The following GRID1 variants were observed in gnomAD, a reference collection of about 807,000 sequenced individuals.
The protein encoded by GRID1 is glutamate ionotropic receptor delta type subunit 1.
GRID1 carries 28 observed loss-of-function variants against 98.0 expected under a neutral mutation model. The ratio of observed to expected loss-of-function variants is 0.29; its 90% CI spans 0.21 to 0.39. GRID1 has a LOEUF of 0.39. GRID1 is among the 10% of genes least tolerant of loss of function. GRID1 has a pLI of 1.00. For missense variants in GRID1, 1,111 were observed against 1,340.5 expected (o/e 0.83, Z 2.67); for synonymous variants, 553 against 538.5 (o/e 1.03, Z -0.37).
At chr10:85,645,865 C>T (rs1331987883) in intron 13 of GRID1, 1 of 152,320 alleles carries the variant, frequency 6.6e-6, no homozygotes, top group Non-Finnish European at 1.5e-5. Context: ...CCCAGCCTGT[C>T]ATGGGATAGA....
intron 12 of GRID1, among the ~76,000 whole-genome samples, chr10:85,658,282 A>T (rs566801996): frequency 2.4e-4 from 36 of 152,290 alleles, no homozygotes; most frequent in African/African-American, 8.2e-4. Flanking sequence ...CTTCTCCAGC[A>T]GTCACTTGAT....
chr10:85,956,169 T>A (rs1842186424), intron 4 of GRID1, among the ~76,000 whole-genome samples: 1 of 152,224 alleles, frequency 6.6e-6, no homozygotes, highest in Non-Finnish European at 1.5e-5. Flanking sequence ...TTTATTCTTA[T>A]TTTAATTTTA....
chr10:86,069,602 C>A (rs111689379), intron 4 of GRID1, among the ~76,000 whole-genome samples: 27 of 152,148 alleles, frequency 1.8e-4, no homozygotes, highest in African/African-American at 6.5e-4. Flanking sequence ...GAGCCGAGAT[C>A]GCACCACTGC....
At chr10:85,908,134 C>A (rs1841487904) in intron 5 of GRID1, among the ~76,000 whole-genome samples, 1 of 152,116 alleles carries the variant, frequency 6.6e-6, no homozygotes, top group Non-Finnish European at 1.5e-5. Flanking sequence ...AATGATGTCT[C>A]CTGTCACCAC....
intron 4 of GRID1, among the ~76,000 whole-genome samples, chr10:86,099,696 A>C (rs146649395): frequency 1.3e-3 from 203 of 152,264 alleles, no homozygotes; most frequent in Non-Finnish European, 2.1e-3. Flanking sequence ...GAAGGGGCCT[A>C]TGCTTTTCCT....
At chr10:85,656,945 C>A (rs914036735) in intron 12 of GRID1, among the ~76,000 whole-genome samples, 2 of 152,208 alleles carry the variant, frequency 1.3e-5, no homozygotes, top group Non-Finnish European at 2.9e-5. Context: ...CCAATGACTT[C>A]TTGACTCCAA....
intron 3 of GRID1, among the ~76,000 whole-genome samples, chr10:86,161,741 T>C (rs1414242232): frequency 2.6e-5 from 4 of 152,138 alleles, no homozygotes; most frequent in African/African-American, 4.8e-5. Context: ...ACTTGCTGGC[T>C]GACTTGCCTG....
In GRID1 at chr10:86,030,536, G is replaced by C. The variant is rs147576874; in HGVS notation, c.726+108283C>G. On this transcript the variant is annotated intron_variant, in intron 4 of 15. Transcript: ENST00000327946. ...GTGCTGCAGATAGAACCATGCATGG[G>C]CATGCCTTCTTCCAGGGACCCTTAG... Among the ~76,000 whole-genome samples, 1,495 of 152,298 alleles carry C rather than the reference G, an allele frequency of 9.8e-3. 25 individuals carry two copies. Among genetic ancestry groups the C allele is most frequent in the African/African-American group, 0.034 (1,414 of 41,560 alleles).
intron 12 of GRID1, among the ~76,000 whole-genome samples, chr10:85,710,015 G>A (rs1245887365): frequency 6.6e-6 from 1 of 152,062 alleles, no homozygotes; most frequent in African/African-American, 2.4e-5. Context: ...TTATGCTAAT[G>A]GATTGGAAGA....
chr10:86,344,854 A>C (rs1290198181), intron 2 of GRID1, among the ~76,000 whole-genome samples: 1 of 152,146 alleles, frequency 6.6e-6, no homozygotes, highest in African/African-American at 2.4e-5. Context: ...TGCTGGCACC[A>C]GGCGGGAACT....
At chr10:86,254,460 C>T (rs1040381477) in intron 2 of GRID1, among the ~76,000 whole-genome samples, 2 of 152,226 alleles carry the variant, frequency 1.3e-5, no homozygotes, top group East Asian at 3.8e-4. Context: ...TGAGGTGGGG[C>T]TCTGTAATTG....
At chr10:86,236,393 T>C (rs1846539582) in intron 2 of GRID1, among the ~76,000 whole-genome samples, 2 of 152,216 alleles carry the variant, frequency 1.3e-5, no homozygotes, top group Non-Finnish European at 2.9e-5. Context: ...TACCATGTTG[T>C]AGTAAAGAAC....
At chr10:86,202,790 G>A (rs2132016367) in intron 3 of GRID1, among the ~76,000 whole-genome samples, 1 of 152,318 alleles carries the variant, frequency 6.6e-6, no homozygotes, top group African/African-American at 2.4e-5. Flanking sequence ...TTTAAAGGGA[G>A]GCTGATGGGC....
intron 12 of GRID1, among the ~76,000 whole-genome samples, chr10:85,679,175 C>A (rs943510136): frequency 3.3e-5 from 5 of 152,278 alleles, no homozygotes; most frequent in African/African-American, 1.2e-4. Flanking sequence ...TGCTTATCAA[C>A]CCCAGACAGA....
At chr10:85,620,744 C>T (rs1350386170) in intron 13 of GRID1, among the ~76,000 whole-genome samples, 1 of 152,186 alleles carries the variant, frequency 6.6e-6, no homozygotes, top group Admixed American at 6.5e-5. Flanking sequence ...TACACACATG[C>T]CTGTACACAC....
intron 2 of GRID1, among the ~76,000 whole-genome samples, chr10:86,361,558 A>G (rs1317366145): frequency 6.6e-6 from 1 of 152,134 alleles, no homozygotes; most frequent in Non-Finnish European, 1.5e-5. Flanking sequence ...CAGCTATACA[A>G]ACAGAGAAAC....
chr10:85,887,850 A>G (rs1484280458), intron 5 of GRID1, among the ~76,000 whole-genome samples: 1 of 152,162 alleles, frequency 6.6e-6, no homozygotes, highest in African/African-American at 2.4e-5. Flanking sequence ...TTATCCATCT[A>G]ACTTAAAAAC....
intron 13 of GRID1, among the ~76,000 whole-genome samples, chr10:85,630,909 A>G (rs1377805831): frequency 1.3e-5 from 2 of 152,202 alleles, no homozygotes; most frequent in Non-Finnish European, 2.9e-5. Flanking sequence ...ACACAGGTTT[A>G]TAAAGGGAGA....
intron 4 of GRID1, among the ~76,000 whole-genome samples, chr10:86,011,205 G>A (rs1842920414): frequency 6.6e-6 from 1 of 152,156 alleles, no homozygotes; most frequent in Non-Finnish European, 1.5e-5. Context: ...TTTGGATTCA[G>A]AAATGAGGAG....
Sources: gnomAD v4.1 joint callset for allele counts (sites outside exome capture counted in the v4.1 genomes callset) on GRCh38, gnomAD v4.1.1 for gene constraint, MANE v1.5 for transcripts, NCBI Gene and HGNC (gene_info 2026-07-23, HGNC 2026-07-21) for gene names.